Variants in SLC39A11 observed in about 807,000 individuals in gnomAD.
The protein encoded by SLC39A11 is solute carrier family 39 member 11, also known as zinc transporter ZIP11.
Under a neutral mutation model 36.1 loss-of-function variants are expected in SLC39A11, and 33 were observed. The observed-to-expected ratio is 0.91, with a 90% CI of 0.69 to 1.22. The LOEUF is 1.22. SLC39A11 is among the 50% of genes most tolerant of loss of function. The probability of loss-of-function intolerance (pLI) is 0.00; values close to 1 mark genes in which losing one functional copy is unlikely to be tolerated. For synonymous variants in SLC39A11, 166 were observed against 170.3 expected (o/e 0.97, Z 0.20); for missense variants, 432 against 430.3 (o/e 1.00, Z -0.03).
chr17:72,732,823 T>G (rs1207708012), intron 7 of SLC39A11, among the ~76,000 whole-genome samples: 4 of 152,220 alleles, frequency 2.6e-5, no homozygotes, highest in Non-Finnish European at 5.9e-5. Context: ...AGGCCAGTAT[T>G]TATGCTCTTT....
rs529835496 is a variant in SLC39A11, at chr17:73,014,277, T to C, written c.306+17279A>G. Among the ~76,000 whole-genome samples, 11 of 152,274 alleles carry C rather than the reference T, an allele frequency of 7.2e-5. No individual in the cohort carries two copies. In the East Asian group the frequency reaches 1.7e-3, roughly 24 times the overall value. ...CCAGCATGTCTGGGGAGGAATATGTTGCTGGGAACATTCAGTTCTCACTCC... is the reference window on the plus strand; with the variant it reads ...CCAGCATGTCTGGGGAGGAATATGTCGCTGGGAACATTCAGTTCTCACTCC... On this transcript the variant is annotated intron_variant, in intron 4 of 9. Coordinates refer to ENST00000255559, the MANE Select transcript of SLC39A11 (RefSeq NM_139177.4).
At chr17:72,665,093 A>T (rs978997362) in intron 7 of SLC39A11, among the ~76,000 whole-genome samples, 5 of 152,166 alleles carry the variant, frequency 3.3e-5, no homozygotes, top group Non-Finnish European at 5.9e-5. Context: ...CTGGACTACT[A>T]GCTCTGGGGG....
intron 5 of SLC39A11, among the ~76,000 whole-genome samples, chr17:72,932,179 C>T (rs533207267): frequency 6.6e-6 from 1 of 151,994 alleles, no homozygotes; most frequent in Non-Finnish European, 1.5e-5. Context: ...TTCACTTAGC[C>T]TATCTTCCCA....
chr17:72,696,443 C>T (rs896961639), intron 7 of SLC39A11, among the ~76,000 whole-genome samples: 2 of 152,188 alleles, frequency 1.3e-5, no homozygotes, highest in Non-Finnish European at 1.5e-5. Flanking sequence ...AGAAGCCAGG[C>T]TCAGGGAGGG....
At chr17:72,695,887 C>T (rs1054239042) in intron 7 of SLC39A11, among the ~76,000 whole-genome samples, 1 of 152,198 alleles carries the variant, frequency 6.6e-6, no homozygotes, top group Admixed American at 6.5e-5. Context: ...GCAGAGAGCA[C>T]AGCTATCTGC....
At chr17:72,936,095 A>T (rs2084734896) in intron 5 of SLC39A11, among the ~76,000 whole-genome samples, 1 of 152,082 alleles carries the variant, frequency 6.6e-6, no homozygotes, top group South Asian at 2.1e-4. Flanking sequence ...CTACATAGGA[A>T]ACTGAGGCAC....
chr17:72,849,567 G>T, intron 6 of SLC39A11, 67 bp downstream of exon 6: 2 of 1,375,850 alleles, frequency 1.5e-6, no homozygotes. Flanking sequence ...TTTCCAGCCA[G>T]ACAACTGTGC....
intron 6 of SLC39A11, among the ~76,000 whole-genome samples, chr17:72,847,436 CT>C (rs2079103949): frequency 6.7e-6 from 1 of 149,932 alleles, no homozygotes; most frequent in Admixed American, 6.6e-5. Flanking sequence ...GGAAAACCAA[CT>C]AAAAAAAGCT....
rs144461112 is a variant in SLC39A11 at position 73,020,315 on chromosome 17, A to G, written c.306+11241T>C. ...TCATAATAGGATTAGTGTCCTTGTAAGAAGAGACATCAGAGAGCTCGCCCT... is the reference window on the plus strand; with the variant it reads ...TCATAATAGGATTAGTGTCCTTGTAGGAAGAGACATCAGAGAGCTCGCCCT... On this transcript the variant is annotated intron_variant, in intron 4 of 9. Transcript: ENST00000255559. 8.5e-5 allele frequency among the ~76,000 whole-genome samples: 13 copies of G among 152,354 alleles called. No homozygotes were observed. The East Asian group carries it at 2.5e-3, about 29-fold the overall frequency.
intron 6 of SLC39A11, among the ~76,000 whole-genome samples, chr17:72,813,885 C>T (rs2077505358): frequency 6.6e-6 from 1 of 152,182 alleles, no homozygotes; most frequent in Non-Finnish European, 1.5e-5. Context: ...CGTAAGAGTG[C>T]TTTTGTGAAG....
chr17:72,951,844 C>T (rs2085885169), intron 4 of SLC39A11, among the ~76,000 whole-genome samples: 1 of 152,102 alleles, frequency 6.6e-6, no homozygotes, highest in African/African-American at 2.4e-5. Context: ...ATTTGTTCTT[C>T]CCTTACTTTC....
At chr17:72,835,951 C>A (rs956562771) in intron 6 of SLC39A11, among the ~76,000 whole-genome samples, 10 of 152,114 alleles carry the variant, frequency 6.6e-5, no homozygotes, top group Non-Finnish European at 1.3e-4. Context: ...TGCCTGTGGG[C>A]GACCACCTGC....
intron 7 of SLC39A11, among the ~76,000 whole-genome samples, chr17:72,660,118 AT>A (rs2070342270): frequency 1.3e-5 from 2 of 152,030 alleles, no homozygotes; most frequent in African/African-American, 4.8e-5. Flanking sequence ...TCAAACCTCA[AT>A]GTCTCAGGCC....
At chr17:72,653,780 G>C (rs144660653) in intron 7 of SLC39A11, among the ~76,000 whole-genome samples, 4 of 152,236 alleles carry the variant, frequency 2.6e-5, no homozygotes, top group African/African-American at 9.6e-5. Context: ...GGATAATTGA[G>C]CCCTGGGGGT....
chr17:72,894,320 T>C (rs2081915230), intron 5 of SLC39A11, among the ~76,000 whole-genome samples: 1 of 126,918 alleles, frequency 7.9e-6, no homozygotes, highest in South Asian at 2.5e-4. Context: ...CAGTATGGTA[T>C]CACTGCACTC....
chr17:72,979,455 T>C (rs755471450), intron 4 of SLC39A11, among the ~76,000 whole-genome samples: 65 of 152,148 alleles, frequency 4.3e-4, no homozygotes, highest in East Asian at 3.9e-4. Context: ...ATGGAAATAC[T>C]GTCTGTCTTC....
At chr17:73,049,691 G>A (rs543149551) in intron 3 of SLC39A11, among the ~76,000 whole-genome samples, 1 of 152,298 alleles carries the variant, frequency 6.6e-6, no homozygotes, top group South Asian at 2.1e-4. Context: ...ACTCTCTGCC[G>A]TGCACTAGGG....
At chr17:73,022,739 A>G (rs1232224914) in intron 4 of SLC39A11, among the ~76,000 whole-genome samples, 2 of 151,992 alleles carry the variant, frequency 1.3e-5, no homozygotes, top group African/African-American at 4.8e-5. Flanking sequence ...GAGGCTGTGG[A>G]ATGCCTCCAA....
chr17:72,861,666 T>TATATATATATATATC lies in SLC39A11; in HGVS notation c.431-11863_431-11862insGATATATATATATAT, dbSNP rs1555605355. On this transcript the variant is annotated intron_variant, in intron 5 of 9. Transcript: ENST00000255559. ...ATCTATATACAACACATTATATATA[T>TATATATATATATATC]ATATATATATATATATATATATAAA... Among the ~76,000 whole-genome samples the TATATATATATATATC allele has an allele frequency of 1.9e-4, 20 of 107,090 alleles. 1 individual carries two copies. Among genetic ancestry groups the TATATATATATATATC allele is most frequent in the African/African-American group, 6.7e-4 (17 of 25,226 alleles). The allele number at this position is 107,090 out of a possible 152,430, so 70.3% of individuals were successfully genotyped here. A position where few individuals can be genotyped will look rare whatever the true frequency, so the allele number is the denominator to read the frequency against.
Sources: allele counts gnomAD v4.1 joint callset (sites outside exome capture counted in the v4.1 genomes callset), GRCh38; gene constraint gnomAD v4.1.1; transcripts MANE v1.5; gene names NCBI Gene and HGNC (gene_info 2026-07-23, HGNC 2026-07-21).